The following GPCPD1 variants were observed in gnomAD, a reference collection of about 807,000 sequenced individuals.
GPCPD1 encodes glycerophosphocholine phosphodiesterase 1, also known as glycerophosphocholine phosphodiesterase GPCPD1.
In GPCPD1, 29 loss-of-function variants were observed where a neutral mutation model predicts 89.2. The observed-to-expected ratio is 0.33, with a 90% confidence interval of 0.24 to 0.44. The LOEUF (loss-of-function observed/expected upper bound fraction) is 0.44, where lower values mean the gene tolerates loss of function less well. Among genes scored for constraint, GPCPD1 ranks in the 20% least tolerant of loss-of-function variants. The probability of loss-of-function intolerance (pLI) is 1.00; values close to 1 mark genes in which losing one functional copy is unlikely to be tolerated. For synonymous variants in GPCPD1, 258 were observed against 266.3 expected, an observed-to-expected ratio of 0.97 and a Z score of 0.30; for missense variants, 594 against 808.9, an observed-to-expected ratio of 0.73 and a Z score of 3.22.
At chr20:5,593,667 G>A (rs538221571) in intron 3 of GPCPD1, among the ~76,000 whole-genome samples, 94 of 152,308 alleles carry the variant, frequency 6.2e-4, no homozygotes, top group African/African-American at 2.2e-3. Flanking sequence ...TAGACAGAAC[G>A]AAGTTCTGGA....
chr20:5,580,009 TA>T lies in GPCPD1; in HGVS notation c.471del (p.Phe157LeufsTer3). The stretch of plus-strand genomic sequence containing the variant: ...AGTAACACATAAACATGGTCATACC[TA>T]AATCTAGATTTTTTTAATTTTTTCT... The part of the protein sequence containing the change: ...ITKKKLKKSR[F>X]RVKLTLEGLE... On this transcript the variant is annotated frameshift_variant and splice_region_variant, in exon 7 of 20. Coordinates refer to ENST00000379019, the MANE Select transcript of GPCPD1 (RefSeq NM_019593.5). LOFTEE classifies it high-confidence loss of function. 6.5e-7 allele frequency: 1 copy of T among 1,535,328 alleles called. No homozygotes were observed. Among genetic ancestry groups the T allele is most frequent in the Non-Finnish European group, 9.0e-7 (1 of 1,113,656 alleles).
intron 4 of GPCPD1, among the ~76,000 whole-genome samples, chr20:5,592,324 A>T (rs1343053717): frequency 6.6e-6 from 1 of 152,230 alleles, no homozygotes; most frequent in Non-Finnish European, 1.5e-5. Context: ...CCTTTTCTTA[A>T]GTTAAAGTGA....
In GPCPD1 at chr20:5,545,454, T is replaced by C. The variant is rs1227780600; in HGVS notation, c.*2207A>G. 2 of 152,190 alleles carry C rather than the reference T, an allele frequency of 1.3e-5. No individual in the cohort carries two copies. The highest frequency in any genetic ancestry group is 4.8e-5 in the African/African-American group (2 of 41,436). The allele number at this position is 152,190 out of a possible 1,614,324, so 9.4% of individuals were successfully genotyped here. A position where few individuals can be genotyped will look rare whatever the true frequency, so the allele number is the denominator to read the frequency against. ...AGCACAAAGACGGATTCATCCTTCC[T>C]GAAGTTTCCACAAGGGCTCAGGAGA... On this transcript the variant is annotated 3_prime_UTR_variant, in exon 20 of 20. Transcript: ENST00000379019.
chr20:5,561,638 T>C, intron 15 of GPCPD1, 108 bp from the exon 16 acceptor site: 1 of 596,540 alleles, frequency 1.7e-6, no homozygotes, highest in Non-Finnish European at 3.0e-6. Context: ...TTATCATTAG[T>C]AGCAATAAAA....
At chr20:5,594,594 C>A (rs576995675) in intron 3 of GPCPD1, among the ~76,000 whole-genome samples, 27 of 152,210 alleles carry the variant, frequency 1.8e-4, no homozygotes, top group African/African-American at 6.3e-4. Flanking sequence ...GCCCGGCCGC[C>A]TCCAGGTAAC....
chr20:5,577,049 A>G (rs529001347), intron 8 of GPCPD1, among the ~76,000 whole-genome samples: 8 of 144,726 alleles, frequency 5.5e-5, no homozygotes, highest in Non-Finnish European at 1.0e-4. Flanking sequence ...ACAAAAAAAA[A>G]GTTGTTTTTT....
intron 1 of GPCPD1, among the ~76,000 whole-genome samples, chr20:5,606,678 C>G (rs1159669439): frequency 1.3e-5 from 2 of 152,168 alleles, no homozygotes; most frequent in Non-Finnish European, 2.9e-5. Flanking sequence ...CTGCTGAACA[C>G]CATACAATAC....
intron 16 of GPCPD1, among the ~76,000 whole-genome samples, 190 bp from the exon 17 acceptor site, chr20:5,560,266 C>T (rs1027190944): frequency 2.6e-5 from 4 of 152,160 alleles, no homozygotes; most frequent in African/African-American, 9.7e-5. Flanking sequence ...TTAGTGATGA[C>T]ACAGGTCATA....
At chr20:5,572,956 C>CA (rs1986805379) in intron 11 of GPCPD1, among the ~76,000 whole-genome samples, 1 of 152,262 alleles carries the variant, frequency 6.6e-6, no homozygotes, top group South Asian at 2.1e-4. Flanking sequence ...ATTGTAGCCT[C>CA]AAACTCCTGG....
intron 10 of GPCPD1, among the ~76,000 whole-genome samples, chr20:5,574,421 A>G (rs1227685722): frequency 2.0e-5 from 3 of 152,186 alleles, no homozygotes; most frequent in African/African-American, 7.2e-5. Context: ...AAGAACAGAA[A>G]GGGGGAAAAT....
intron 7 of GPCPD1, among the ~76,000 whole-genome samples, chr20:5,579,346 T>C (rs1978320301): frequency 6.6e-6 from 1 of 152,088 alleles, no homozygotes; most frequent in Non-Finnish European, 1.5e-5. Flanking sequence ...AGACAATCAT[T>C]TCCATTATAT....
chr20:5,588,843 AAAAAG>A lies in GPCPD1; in HGVS notation c.232-2579_232-2575del, dbSNP rs1319964679. Among the ~76,000 whole-genome samples the A allele has an allele frequency of 3.6e-4, 55 of 151,704 alleles. 2 individuals are homozygous for A. In the South Asian group the frequency reaches 0.011, roughly 31 times the overall value. Reference sequence around the variant, plus strand: ...ATGTCTCAAAAAAGAAAAAGAAAAAAAAAAGAAAAAGAAAAGGGTGCTATGAATAT... The same window carrying A: ...ATGTCTCAAAAAAGAAAAAGAAAAAAAAAAAGAAAAGGGTGCTATGAATAT... On this transcript the variant is annotated intron_variant, in intron 4 of 19. Coordinates refer to ENST00000379019, the MANE Select transcript of GPCPD1 (RefSeq NM_019593.5).
At chr20:5,574,191 G>T (rs1319552804) in intron 10 of GPCPD1, 4 of 544,044 alleles carry the variant, frequency 7.4e-6, no homozygotes, top group East Asian at 3.1e-5. Flanking sequence ...TACCGACATG[G>T]CCAACACAAC....
At chr20:5,552,467 A>G (rs887585912) in intron 19 of GPCPD1, among the ~76,000 whole-genome samples, 4 of 152,228 alleles carry the variant, frequency 2.6e-5, no homozygotes, top group African/African-American at 9.6e-5. Flanking sequence ...ATTTCAACCA[A>G]GTAAAGCCCT....
At chr20:5,586,718 T>C (rs569699148) in intron 4 of GPCPD1, among the ~76,000 whole-genome samples, 14 of 152,262 alleles carry the variant, frequency 9.2e-5, no homozygotes, top group African/African-American at 3.1e-4. Flanking sequence ...GTAAAAATAG[T>C]AGGAACAAGT....
chr20:5,563,395 C>A (rs1986203821), intron 15 of GPCPD1, among the ~76,000 whole-genome samples: 1 of 152,062 alleles, frequency 6.6e-6, no homozygotes, highest in African/African-American at 2.4e-5. Context: ...AATTTTTTTC[C>A]TGGGAATCAT....
Position 5,570,189 on chromosome 20 carries a change from G to A in GPCPD1, c.1107C>T (p.Pro369=), listed in dbSNP as rs575449365. The A allele has an allele frequency of 6.3e-5, 101 of 1,593,508 alleles. No homozygotes were observed. Among genetic ancestry groups the A allele is most frequent in the Non-Finnish European group, 8.4e-5 (98 of 1,162,672 alleles). ...FDVHLSKDFV[P]VVYHDLTCCL... is the part of the protein sequence containing the mutation. ...AACAGGTAAGATCATGATATACCAC[G>A]GGCACAAAGTCCTTTGAAAGGTGTA... The change falls in exon 12 of 20, where the codon CCC becomes CCT. Residue 369 remains proline, a synonymous_variant. Coordinates refer to ENST00000379019, the MANE Select transcript of GPCPD1 (RefSeq NM_019593.5).
rs188401514 is a variant in GPCPD1 at position 5,586,520 on chromosome 20, C to T, written c.232-251G>A. Among the ~76,000 whole-genome samples the T allele has an allele frequency of 3.3e-5, 5 of 152,238 alleles. No homozygotes were observed. In the East Asian group the frequency reaches 9.6e-4, roughly 29 times the overall value. On this transcript the variant is annotated intron_variant, in intron 4 of 19. Coordinates refer to ENST00000379019, the MANE Select transcript of GPCPD1 (RefSeq NM_019593.5). Reference sequence around the variant, plus strand: ...AACTGGCACACAGAACTGTCTCAAACCCATTCCTAAATCTGCCTACAATAC... The same window carrying T: ...AACTGGCACACAGAACTGTCTCAAATCCATTCCTAAATCTGCCTACAATAC...
rs1461260359 is a variant in GPCPD1 at position 5,544,652 on chromosome 20, A to C, written c.*3009T>G. On this transcript the variant is annotated 3_prime_UTR_variant, in exon 20 of 20. Transcript: ENST00000379019. ...GTTTGAGAACATGGGATTCAGAGTC[A>C]CAAAACCCACATCCTAGTCCCAACC... is the stretch of plus-strand genomic sequence containing the variant. The C allele has an allele frequency of 1.3e-5, 2 of 152,248 alleles. No homozygotes were observed. The highest frequency in any genetic ancestry group is 4.8e-5 in the African/African-American group (2 of 41,460). The allele number at this position is 152,248 out of a possible 1,614,324, so 9.4% of individuals were successfully genotyped here.
Sources: gnomAD v4.1 joint callset for allele counts (sites outside exome capture counted in the v4.1 genomes callset) on GRCh38, gnomAD v4.1.1 for gene constraint, MANE v1.5 for transcripts, NCBI Gene and HGNC (gene_info 2026-07-23, HGNC 2026-07-21) for gene names.